The following URAD variants were observed in gnomAD, a reference collection of about 807,000 sequenced individuals.
URAD encodes putative 2-oxo-4-hydroxy-4-carboxy-5-ureidoimidazoline decarboxylase.
URAD carries 4 observed loss-of-function variants against 4.6 expected under a neutral mutation model. The observed-to-expected ratio is 0.87, with a 90% CI of 0.43 to 1.98. The LOEUF is 1.98. Ranked by LOEUF, URAD falls within the 30% of genes most tolerant of loss-of-function variation. The pLI, the probability that URAD is intolerant of heterozygous loss-of-function variation, is 0.03. For missense variants in URAD, 300 were observed against 255.3 expected, an observed-to-expected ratio of 1.18 and a Z score of -1.19; for synonymous variants, 144 against 118.2, an observed-to-expected ratio of 1.22 and a Z score of -1.41.
rs560380800 is a variant in URAD, at chr13:27,979,559, G to C, written c.176-1107C>G. Among the ~76,000 whole-genome samples, 8 of 152,302 alleles carry C rather than the reference G, an allele frequency of 5.3e-5. No homozygotes were observed. In the East Asian group the frequency reaches 1.4e-3, roughly 26 times the overall value. On this transcript the variant is annotated intron_variant, in intron 1 of 1. Coordinates refer to ENST00000332715, the MANE Select transcript of URAD (RefSeq NM_001105577.2). ...GCCTAATACCTAGTAAACAGAAACA[G>C]TCATTATTAGTTGTAGTAAACCCAG...
intron 1 of URAD, among the ~76,000 whole-genome samples, chr13:27,983,645 C>T (rs1156886914): frequency 6.6e-6 from 1 of 152,166 alleles, no homozygotes; most frequent in Non-Finnish European, 1.5e-5. Flanking sequence ...TATTTTCTGC[C>T]ATATTACATA....
intron 1 of URAD, among the ~76,000 whole-genome samples, chr13:27,980,764 G>A (rs1386529632): frequency 6.6e-6 from 1 of 152,096 alleles, no homozygotes; most frequent in African/African-American, 2.4e-5. Context: ...GCGGCGTCCC[G>A]CCAACGTGGC....
At chr13:27,978,544 C>T in intron 1 of URAD, 92 bp from the exon 2 acceptor site, 5 of 975,370 alleles carry the variant, frequency 5.1e-6, no homozygotes, top group Non-Finnish European at 6.6e-6. Context: ...CGCCCGGCCC[C>T]CCTGCCCCGC....
chr13:27,979,805 T>C (rs929940919), intron 1 of URAD, among the ~76,000 whole-genome samples: 2 of 152,194 alleles, frequency 1.3e-5, no homozygotes, highest in African/African-American at 4.8e-5. Context: ...AAAAGGATGA[T>C]TGATAGTGCA....
intron 1 of URAD, among the ~76,000 whole-genome samples, chr13:27,982,483 A>G (rs1176854729): frequency 6.6e-6 from 1 of 152,166 alleles, no homozygotes; most frequent in Non-Finnish European, 1.5e-5. Flanking sequence ...TTGCTCTGCC[A>G]GATAGGTCAC....
intron 1 of URAD, among the ~76,000 whole-genome samples, chr13:27,982,613 C>T (rs865825486): frequency 2.0e-5 from 3 of 152,178 alleles, no homozygotes; most frequent in Admixed American, 6.5e-5. Flanking sequence ...TCTTTGATGA[C>T]AGCAAGATAT....
chr13:27,985,780 A>T (rs1289479295), intron 1 of URAD, among the ~76,000 whole-genome samples: 1 of 152,148 alleles, frequency 6.6e-6, no homozygotes, highest in Non-Finnish European at 1.5e-5. Context: ...AAGTTACTTA[A>T]TCTCTGTGTG....
chr13:27,978,532 C>T (rs1869786754), intron 1 of URAD, 80 bp from the exon 2 acceptor site: 2 of 1,118,306 alleles, frequency 1.8e-6, no homozygotes, highest in Non-Finnish European at 2.3e-6. Context: ...GCGCGTAGGC[C>T]GCGCCCGGCC....
At chr13:27,981,161 G>GC (rs918290691) in intron 1 of URAD, among the ~76,000 whole-genome samples, 2 of 152,008 alleles carry the variant, frequency 1.3e-5, no homozygotes, top group African/African-American at 2.4e-5. Context: ...AATCTTCATT[G>GC]CCCCAAACCA....
intron 1 of URAD, among the ~76,000 whole-genome samples, chr13:27,982,770 G>A (rs548684557): frequency 3.3e-5 from 5 of 151,904 alleles, no homozygotes; most frequent in African/African-American, 4.8e-5. Context: ...TCCTCAACTC[G>A]GAAAATGGTA....
chr13:27,986,284 T>TTAGG lies in URAD; in HGVS notation c.175+2178_175+2179insCCTA, dbSNP rs1170502756. ...CATGCATTCATTCAGCAAACTTTGA[T>TTAGG]TAAGTCCCAACATCCTGTTCACTCT... On this transcript the variant is annotated intron_variant, in intron 1 of 1. Transcript: ENST00000332715. 2.6e-5 allele frequency among the ~76,000 whole-genome samples: 4 copies of TTAGG among 152,312 alleles called. No individual in the cohort carries two copies. The East Asian group carries it at 7.7e-4, about 29-fold the overall frequency.
At chr13:27,980,305 T>C (rs573811836) in intron 1 of URAD, among the ~76,000 whole-genome samples, 1 of 152,186 alleles carries the variant, frequency 6.6e-6, no homozygotes, top group Non-Finnish European at 1.5e-5. Flanking sequence ...TCTTTCCCGC[T>C]TCCCGCGTCC....
At chr13:27,981,476 C>T (rs921213998) in intron 1 of URAD, among the ~76,000 whole-genome samples, 1 of 152,174 alleles carries the variant, frequency 6.6e-6, no homozygotes, top group East Asian at 1.9e-4. Flanking sequence ...TGGTGTGTCA[C>T]GTCTAGAGAT....
chr13:27,978,644 C>A (rs1869792334), intron 1 of URAD, among the ~76,000 whole-genome samples, 192 bp from the exon 2 acceptor site: 1 of 152,142 alleles, frequency 6.6e-6, no homozygotes, highest in South Asian at 2.1e-4. Context: ...GCGCCCTTGG[C>A]GCGCCCCTCT....
chr13:27,980,489 T>A (rs1869842681), intron 1 of URAD, among the ~76,000 whole-genome samples: 1 of 152,208 alleles, frequency 6.6e-6, no homozygotes, highest in South Asian at 2.1e-4. Context: ...GACGGTAACC[T>A]GCCCGGGCTG....
intron 1 of URAD, 51 bp from the exon 2 acceptor site, chr13:27,978,503 G>A: frequency 2.4e-6 from 3 of 1,241,966 alleles, no homozygotes; most frequent in Non-Finnish European, 2.0e-6. Context: ...CGCCCGTCCC[G>A]CACCGCGCAC....
chr13:27,988,390 C>A, intron 1 of URAD, 73 bp downstream of exon 1: 1 of 1,451,266 alleles, frequency 6.9e-7, no homozygotes, highest in Non-Finnish European at 9.3e-7. Context: ...CCATTCCTGG[C>A]CAGTATCTAA....
Position 27,983,371 on chromosome 13 carries a change from T to G in URAD, c.176-4919A>C, listed in dbSNP as rs138421216. On this transcript the variant is annotated intron_variant, in intron 1 of 1. Transcript: ENST00000332715. ...CAGCCTCCCGAGTAGCTAGGATTAC[T>G]GGTGCGTGCTACCATGCCCAGCTAA... 2.9e-3 allele frequency among the ~76,000 whole-genome samples: 448 copies of G among 152,202 alleles called. 1 individual carries two copies. The highest frequency in any genetic ancestry group is 0.01 in the African/African-American group (418 of 41,538).
chr13:27,978,432 A>T lies in URAD; in HGVS notation c.196T>A (p.Cys66Ser), dbSNP rs1053710191. The T allele has an allele frequency of 2.9e-5, 40 of 1,366,870 alleles. No individual in the cohort carries two copies. In the East Asian group the frequency reaches 1.2e-3, roughly 41 times the overall value. The allele number at this position is 1,366,870 out of a possible 1,614,324, so 84.7% of individuals were successfully genotyped here. The change falls in exon 2 of 2, where the codon TGC becomes AGC. Residue 66 changes from cysteine to serine, a missense_variant. Physicochemically the swap from Cys to Ser is moderately radical, Grantham distance 112 (BLOSUM62 -1). Coordinates refer to ENST00000332715, the MANE Select transcript of URAD (RefSeq NM_001105577.2). ...AQSGQEGILR[C>S]HPDLAGSELQ... is the part of the protein sequence containing the mutation. Reference sequence around the variant, plus strand: ...TCGCTGCCCGCCAGGTCCGGGTGGCAGCGCAGGATGCCCTCCTGGCCTGCG... The same window carrying T: ...TCGCTGCCCGCCAGGTCCGGGTGGCTGCGCAGGATGCCCTCCTGGCCTGCG...
Sources: allele counts gnomAD v4.1 joint callset (sites outside exome capture counted in the v4.1 genomes callset), GRCh38; gene constraint gnomAD v4.1.1; transcripts MANE v1.5; gene names NCBI Gene and HGNC (gene_info 2026-07-23, HGNC 2026-07-21).